FOXP1: variants seen among roughly 807,000 people sequenced by gnomAD.
FOXP1 encodes the protein forkhead box P1, also known as forkhead box protein P1.
Under a neutral mutation model 98.2 loss-of-function variants are expected in FOXP1, and 15 were observed. The observed-to-expected ratio is 0.15, with a 90% CI of 0.10 to 0.24. The LOEUF (loss-of-function observed/expected upper bound fraction) is 0.24. FOXP1 is among the 10% of genes least tolerant of loss of function. The pLI is 1.00. For missense variants in FOXP1, 633 were observed against 848.5 expected, an observed-to-expected ratio of 0.75 and a Z score of 3.15; for synonymous variants, 371 against 314.5, an observed-to-expected ratio of 1.18 and a Z score of -1.90.
intron 17 of FOXP1, among the ~76,000 whole-genome samples, 155 bp downstream of exon 17, chr3:70,976,786 C>A (rs750118165): frequency 6.6e-6 from 1 of 152,190 alleles, no homozygotes; most frequent in Non-Finnish European, 1.5e-5. Context: ...CACAATGGCA[C>A]TATTTTCCCA....
At chr3:71,026,680 C>A (rs960724638) in intron 11 of FOXP1, among the ~76,000 whole-genome samples, 10 of 152,308 alleles carry the variant, frequency 6.6e-5, no homozygotes, top group African/African-American at 2.4e-4. Context: ...GTAAGTCTGG[C>A]AGTTATTTTC....
chr3:71,463,367 A>C (rs1361978820), intron 3 of FOXP1, among the ~76,000 whole-genome samples: 2 of 151,286 alleles, frequency 1.3e-5, no homozygotes, highest in African/African-American at 2.4e-5. Flanking sequence ...AAAAAAAAAA[A>C]AAAAAAAAAA....
At chr3:71,398,534 A>T (rs1190876187) in intron 3 of FOXP1, among the ~76,000 whole-genome samples, 1 of 152,206 alleles carries the variant, frequency 6.6e-6, no homozygotes, top group African/African-American at 2.4e-5. Flanking sequence ...GTACACAACA[A>T]TAAAACATGT....
At chr3:71,541,203 C>G (rs1196379382) in intron 2 of FOXP1, among the ~76,000 whole-genome samples, 2 of 152,196 alleles carry the variant, frequency 1.3e-5, no homozygotes, top group African/African-American at 4.8e-5. Context: ...CATCGCACAC[C>G]TATTTACACC....
At chr3:71,000,800 A>AAAATAAAATAAAAT (rs2042027746) in intron 13 of FOXP1, among the ~76,000 whole-genome samples, 172 bp downstream of exon 13, 1 of 143,626 alleles carries the variant, frequency 7.0e-6, no homozygotes, top group African/African-American at 2.6e-5. Context: ...GGTAAAAAAT[A>AAAATAAAATAAAAT]AAATAAAATA....
chr3:71,110,701 T>G (rs2057845460), intron 7 of FOXP1, among the ~76,000 whole-genome samples: 1 of 152,242 alleles, frequency 6.6e-6, no homozygotes, highest in Non-Finnish European at 1.5e-5. Flanking sequence ...CAATTCCCAG[T>G]CTGACTACGG....
chr3:70,976,561 T>C (rs1053541121), intron 17 of FOXP1, among the ~76,000 whole-genome samples: 7 of 152,170 alleles, frequency 4.6e-5, no homozygotes, highest in East Asian at 1.9e-4. Flanking sequence ...TCTCTGGAGA[T>C]AGATCGCTGG....
intron 2 of FOXP1, among the ~76,000 whole-genome samples, chr3:71,536,395 A>G (rs753076008): frequency 6.6e-6 from 1 of 152,114 alleles, no homozygotes; most frequent in African/African-American, 2.4e-5. Flanking sequence ...TCCACACCCC[A>G]GTCACCCTAG....
At chr3:71,533,342 C>T (rs564159616) in intron 2 of FOXP1, among the ~76,000 whole-genome samples, 3 of 152,214 alleles carry the variant, frequency 2.0e-5, no homozygotes, top group Admixed American at 6.5e-5. Flanking sequence ...ATGTAAAGAA[C>T]GATGATGAGT....
chr3:71,192,197 T>C (rs932751909), intron 6 of FOXP1, among the ~76,000 whole-genome samples: 4 of 152,168 alleles, frequency 2.6e-5, no homozygotes, highest in African/African-American at 9.7e-5. Flanking sequence ...GAAAGGCCAA[T>C]TGAGGGCATT....
At chr3:71,032,736 C>T (rs988733544) in intron 11 of FOXP1, among the ~76,000 whole-genome samples, 4 of 152,180 alleles carry the variant, frequency 2.6e-5, no homozygotes, top group Non-Finnish European at 5.9e-5. Context: ...CTTTGCAAAT[C>T]TTGAAAAGGA....
chr3:71,251,244 G>A (rs2068165045), intron 5 of FOXP1, among the ~76,000 whole-genome samples: 1 of 152,192 alleles, frequency 6.6e-6, no homozygotes, highest in Non-Finnish European at 1.5e-5. Flanking sequence ...CCTGCAGAAA[G>A]TGCTCTGCTC....
intron 4 of FOXP1, among the ~76,000 whole-genome samples, chr3:71,323,647 G>A (rs764122551): frequency 2.0e-5 from 3 of 152,168 alleles, no homozygotes; most frequent in Admixed American, 6.5e-5. Flanking sequence ...AAAAGGCCCC[G>A]CAGGCTGGAA....
At chr3:71,533,201 T>A (rs2044000645) in intron 2 of FOXP1, among the ~76,000 whole-genome samples, 1 of 152,216 alleles carries the variant, frequency 6.6e-6, no homozygotes, top group African/African-American at 2.4e-5. Context: ...TCATGGTATG[T>A]ACAGTTGAGC....
At chr3:71,408,855 A>G (rs1315538596) in intron 3 of FOXP1, among the ~76,000 whole-genome samples, 1 of 152,218 alleles carries the variant, frequency 6.6e-6, no homozygotes, top group Non-Finnish European at 1.5e-5. Flanking sequence ...AATTGGCTAG[A>G]AAAAGATGTA....
intron 6 of FOXP1, among the ~76,000 whole-genome samples, chr3:71,150,776 CGCTTG>C (rs2060531054): frequency 2.0e-5 from 3 of 152,238 alleles, no homozygotes; most frequent in South Asian, 4.1e-4. Context: ...TTAGAAGTAT[CGCTTG>C]TAATAGAGTT....
intron 4 of FOXP1, among the ~76,000 whole-genome samples, chr3:71,308,507 G>C (rs1326454958): frequency 6.6e-6 from 1 of 152,124 alleles, no homozygotes; most frequent in Non-Finnish European, 1.5e-5. Context: ...TTATTGGAAG[G>C]AGTCGCCTCA....
At chr3:71,009,855 C>A (rs2043327535) in intron 12 of FOXP1, among the ~76,000 whole-genome samples, 1 of 151,916 alleles carries the variant, frequency 6.6e-6, no homozygotes, top group African/African-American at 2.4e-5. Context: ...CTCAAGTGAG[C>A]CTCCCACCTT....
At chr3:71,436,202 G>A (rs542124223) in intron 3 of FOXP1, among the ~76,000 whole-genome samples, 48 of 151,814 alleles carry the variant, frequency 3.2e-4, no homozygotes, top group South Asian at 6.2e-4. Context: ...TTGTCTCCCC[G>A]CAACAGCCCC....
Sources: allele counts gnomAD v4.1 joint callset (sites outside exome capture counted in the v4.1 genomes callset), GRCh38; gene constraint gnomAD v4.1.1; transcripts MANE v1.5; gene names NCBI Gene and HGNC (gene_info 2026-07-23, HGNC 2026-07-21).